Variants in COL2A1 observed in about 807,000 individuals in gnomAD.
COL2A1 encodes collagen alpha-1(II) chain.
Under a neutral mutation model 204.5 loss-of-function variants are expected in COL2A1, and 28 were observed. That is an observed-to-expected ratio of 0.14 (90% confidence interval 0.10 to 0.19). The LOEUF is 0.19. COL2A1 is among the 10% of genes least tolerant of loss of function. COL2A1 has a pLI of 1.00. For synonymous variants in COL2A1, 708 were observed against 718.7 expected (o/e 0.99, Z 0.24); for missense variants, 1,388 against 2,027.5 (o/e 0.68, Z 6.06).
At position 47,995,714 on chromosome 12, in the gene COL2A1, ACACCAGGTT is replaced by A. The variant is rs776036012; in HGVS notation, c.695_703del (p.Glu232_Gly234del). 4.3e-6 allele frequency: 7 copies of A among 1,613,772 alleles called. No homozygotes were observed. Among genetic ancestry groups the A allele is most frequent in the East Asian group, 2.2e-5 (1 of 44,894 alleles). Reference sequence around the variant, plus strand: ...CAGGGCCGTGCTGGTACTCACAGAGACACCAGGTTCACCAGGTTCACCAGGATTGCCTTG... The same window carrying A: ...CAGGGCCGTGCTGGTACTCACAGAGACACCAGGTTCACCAGGATTGCCTTG... On this transcript the variant is annotated inframe_deletion, in exon 10 of 54. Transcript: ENST00000380518.
intron 35 of COL2A1, 75 bp from the exon 36 acceptor site, chr12:47,981,904 C>A (rs1024917371): frequency 1.9e-5 from 28 of 1,450,652 alleles, no homozygotes; most frequent in African/African-American, 4.2e-5. Context: ...ACCAAGCCAA[C>A]CTTGGTGCGT....
At chr12:47,998,261 A>C (rs1940059964) in intron 3 of COL2A1, 60 bp from the exon 4 acceptor site, 1 of 1,610,896 alleles carries the variant, frequency 6.2e-7, no homozygotes, top group Admixed American at 1.7e-5. Flanking sequence ...CCTAGTCTAA[A>C]ACCCTGCCAG....
At position 47,975,548 on chromosome 12, in the gene COL2A1, C is replaced by G. The variant is rs760093841; in HGVS notation, c.3655G>C (p.Asp1219His). The part of the protein sequence containing the change: ...GPPGPPGPGI[D>H]MSAFAGLGPR... ...CCTAAGCCAGCAAAGGCGGACATGT[C>G]GATGCCAGGGCCAGGGGGACCTGGA... is the stretch of plus-strand genomic sequence containing the variant. Residue 1219 changes from aspartate to histidine, a missense_variant, in exon 51 of 54, where the codon GAC becomes CAC. Transcript: ENST00000380518. 1 of 1,605,224 alleles carries G rather than the reference C, an allele frequency of 6.2e-7. No homozygotes were observed.
In COL2A1 at chr12:47,973,652, G is replaced by C. The variant is rs186469070; in HGVS notation, c.4318-99C>G. The C allele has an allele frequency of 4.2e-6, 6 of 1,442,942 alleles. No homozygotes were observed. In the Admixed American group the frequency reaches 1.1e-4, roughly 25 times the overall value. 89.4% of individuals were successfully genotyped at this position (1,442,942 alleles called of 1,614,324 possible). On this transcript the variant is annotated intron_variant, in intron 53 of 53. Coordinates refer to ENST00000380518, the MANE Select transcript of COL2A1 (RefSeq NM_001844.5). ...AAACTGAACAAACTGGCGAGCATCA[G>C]AGCCCACAAGGTTGAACCACACTGA...
At chr12:47,977,939 C>A in intron 44 of COL2A1, 71 bp downstream of exon 44, 1 of 1,421,402 alleles carries the variant, frequency 7.0e-7, no homozygotes, top group Non-Finnish European at 9.8e-7. Context: ...CTTGTCCTTG[C>A]TGACCCAGCA....
In COL2A1 at chr12:47,978,844, A is replaced by G; in HGVS notation, c.2734-86T>C. 7.0e-7 allele frequency: 1 copy of G among 1,438,046 alleles called. No individual in the cohort carries two copies. Among genetic ancestry groups the G allele is most frequent in the Non-Finnish European group, 9.7e-7 (1 of 1,028,898 alleles). 89.1% of individuals were successfully genotyped at this position (1,438,046 alleles called of 1,614,324 possible). ...AAGTCACTGTGGCCTCAGTGACAGC[A>G]GTTTCCTCTCTGGGGGCTTCTCTAC... is the stretch of plus-strand genomic sequence containing the variant. On this transcript the variant is annotated intron_variant, in intron 41 of 53. Transcript: ENST00000380518. This position sits in a 1 kb window ranked among gnomAD's most constrained non-coding sequence, Gnocchi z 5.5.
chr12:47,994,583 C>T (rs966778778), intron 11 of COL2A1, 106 bp from the exon 12 acceptor site: 61 of 1,175,386 alleles, frequency 5.2e-5, no homozygotes, highest in Admixed American at 4.7e-4. Context: ...CTTTGCCTAC[C>T]GGCTCACTCA....
At chr12:47,983,353 C>G in intron 31 of COL2A1, 32 bp downstream of exon 31, 1 of 1,610,696 alleles carries the variant, frequency 6.2e-7, no homozygotes, top group South Asian at 1.1e-5. Context: ...CCCATCTAAA[C>G]AGGTTGCAGG....
intron 35 of COL2A1, 46 bp from the exon 36 acceptor site, chr12:47,981,875 C>A (rs751778771): frequency 6.5e-7 from 1 of 1,545,214 alleles, no homozygotes; most frequent in Non-Finnish European, 8.8e-7. Flanking sequence ...CTGAGCCAGC[C>A]GAGCACGTGC....
rs1383281218 is a variant in COL2A1, at chr12:47,992,780, C to T, written c.1023+98G>A. 6.4e-6 allele frequency: 8 copies of T among 1,248,054 alleles called. No homozygotes were observed. The African/African-American group carries it at 1.0e-4, about 16-fold the overall frequency. The allele number at this position is 1,248,054 out of a possible 1,614,324, so 77.3% of individuals were successfully genotyped here. On this transcript the variant is annotated intron_variant, in intron 16 of 53. Transcript: ENST00000380518. Reference sequence around the variant, plus strand: ...AATTCTTAAGGGATAACAATACTCCCTATGCCTCACAGGGTTGTTTCGAGG... The same window carrying T: ...AATTCTTAAGGGATAACAATACTCCTTATGCCTCACAGGGTTGTTTCGAGG...
At position 47,973,031 on chromosome 12, in the gene COL2A1, A is replaced by G. The variant is rs1163227710; in HGVS notation, c.*376T>C. ...GTTTTAAAAAATACAGAGGTGTTTG[A>G]CACAGAATAGCACCATTGTGTAGGA... On this transcript the variant is annotated 3_prime_UTR_variant, in exon 54 of 54. Coordinates refer to ENST00000380518, the MANE Select transcript of COL2A1 (RefSeq NM_001844.5). 19 of 528,214 alleles carry G rather than the reference A, an allele frequency of 3.6e-5. No individual in the cohort carries two copies. The highest frequency in any genetic ancestry group is 6.7e-6 in the Non-Finnish European group (2 of 299,878). The allele number at this position is 528,214 out of a possible 1,614,324, so 32.7% of individuals were successfully genotyped here.
chr12:47,990,583 C>G (rs1433018168), intron 16 of COL2A1, among the ~76,000 whole-genome samples: 1 of 152,242 alleles, frequency 6.6e-6, no homozygotes, highest in East Asian at 1.9e-4. Flanking sequence ...CATCCCCAGA[C>G]AGCCTGCTCT....
At position 47,975,551 on chromosome 12, in the gene COL2A1, TGCCAGG is replaced by T; in HGVS notation, c.3646_3651del (p.Pro1216_Gly1217del). On this transcript the variant is annotated inframe_deletion, in exon 51 of 54. Coordinates refer to ENST00000380518, the MANE Select transcript of COL2A1 (RefSeq NM_001844.5). ...AAGCCAGCAAAGGCGGACATGTCGA[TGCCAGG>T]GCCAGGGGGACCTGGAGGACCAGGG... 1 of 1,604,750 alleles carries T rather than the reference TGCCAGG, an allele frequency of 6.2e-7. No homozygotes were observed. Among genetic ancestry groups the T allele is most frequent in the Non-Finnish European group, 8.5e-7 (1 of 1,179,938 alleles).
chr12:47,976,413 C>T lies in COL2A1; in HGVS notation c.3489+101G>A, dbSNP rs1240828394. On this transcript the variant is annotated intron_variant, in intron 49 of 53. Coordinates refer to ENST00000380518, the MANE Select transcript of COL2A1 (RefSeq NM_001844.5). The surrounding 1 kb of genome is among the most constrained non-coding windows in gnomAD (Gnocchi z 4.3). Reference sequence around the variant, plus strand: ...CCATTACTGAGTGAGGACCCCTGAGCCCACAGCTTCCCCAGAAGCAGCAGC... The same window carrying T: ...CCATTACTGAGTGAGGACCCCTGAGTCCACAGCTTCCCCAGAAGCAGCAGC... 52 of 1,368,786 alleles carry T rather than the reference C, an allele frequency of 3.8e-5. No individual in the cohort carries two copies. The highest frequency in any genetic ancestry group is 5.2e-5 in the Non-Finnish European group (50 of 960,034). The allele number at this position is 1,368,786 out of a possible 1,614,324, so 84.8% of individuals were successfully genotyped here. A position where few individuals can be genotyped will look rare whatever the true frequency, so the allele number is the denominator to read the frequency against.
intron 15 of COL2A1, 36 bp downstream of exon 15, chr12:47,993,422 C>T: frequency 6.5e-7 from 1 of 1,535,410 alleles, no homozygotes; most frequent in East Asian, 2.2e-5. Context: ...TCTGAAGAGT[C>T]TTTGATAAAC....
At chr12:47,977,748 C>T in intron 44 of COL2A1, 95 bp from the exon 45 acceptor site, 2 of 1,361,746 alleles carry the variant, frequency 1.5e-6, no homozygotes, top group Non-Finnish European at 2.1e-6. Flanking sequence ...GGCCTCTCCT[C>T]TTCTGCCCAA....
chr12:47,978,207 G>A lies in COL2A1; in HGVS notation c.3003+84C>T, dbSNP rs1938829527. ...CCCTTCAGGGAGAGGGCAGACAAGGGACAGTCCTGAGGGTGCTGAGGGAGG... is the reference window on the plus strand; with the variant it reads ...CCCTTCAGGGAGAGGGCAGACAAGGAACAGTCCTGAGGGTGCTGAGGGAGG... On this transcript the variant is annotated intron_variant, in intron 43 of 53. Transcript: ENST00000380518. The surrounding 1 kb of genome is among the most constrained non-coding windows in gnomAD (Gnocchi z 5.5). The A allele has an allele frequency of 6.3e-7, 1 of 1,584,328 alleles. No homozygotes were observed. The highest frequency in any genetic ancestry group is 1.3e-5 in the African/African-American group (1 of 74,284).
intron 52 of COL2A1, 122 bp downstream of exon 52, chr12:47,974,553 C>T (rs1938598306): frequency 7.6e-7 from 1 of 1,324,058 alleles, no homozygotes; most frequent in African/African-American, 1.4e-5. Flanking sequence ...TTTCCCTCCT[C>T]TCAAGCCCAA....
intron 15 of COL2A1, 26 bp from the exon 16 acceptor site, chr12:47,992,957 A>G (rs1375191639): frequency 6.2e-7 from 1 of 1,613,542 alleles, no homozygotes; most frequent in Admixed American, 1.7e-5. Context: ...GGACAGCCTA[A>G]GCATGAGTTG....
Sources: allele counts gnomAD v4.1 joint callset (sites outside exome capture counted in the v4.1 genomes callset), GRCh38; gene constraint gnomAD v4.1.1; non-coding constraint Gnocchi (gnomAD v3.1); transcripts MANE v1.5; gene names NCBI Gene and HGNC (gene_info 2026-07-23, HGNC 2026-07-21).